Variants in UGT2A1 observed in about 807,000 individuals in gnomAD.
UGT2A1 encodes UDP glucuronosyltransferase family 2 member A1 complex locus, also known as UDP-glucuronosyltransferase 2A1.
UGT2A1 carries 61 observed loss-of-function variants against 45.4 expected under a neutral mutation model. The ratio of observed to expected loss-of-function variants is 1.34; its 90% CI spans 1.09 to 1.66. The LOEUF is 1.66. UGT2A1 is among the 40% of genes most tolerant of loss of function. The pLI is 0.00. For synonymous variants in UGT2A1, 229 were observed against 196.2 expected (o/e 1.17, Z -1.40); for missense variants, 649 against 574.3 (o/e 1.13, Z -1.33).
chr4:69,596,343 A>T, intron 4 of UGT2A1: 1 of 1,604,670 alleles, frequency 6.2e-7, no homozygotes, highest in African/African-American at 1.3e-5. Flanking sequence ...ACACCACAAC[A>T]CCATTTTTAC....
At chr4:69,633,083 A>G (rs1721475896) in intron 3 of UGT2A1, among the ~76,000 whole-genome samples, 1 of 152,144 alleles carries the variant, frequency 6.6e-6, no homozygotes, top group African/African-American at 2.4e-5. Flanking sequence ...ATGAAGAATG[A>G]GAAGTAAGAG....
chr4:69,633,110 C>T (rs1201145852), intron 3 of UGT2A1, among the ~76,000 whole-genome samples: 3 of 152,004 alleles, frequency 2.0e-5, no homozygotes, highest in African/African-American at 7.3e-5. Context: ...GTTACTCAGC[C>T]TAAGTATCTG....
rs994624184 is a variant in UGT2A1 at position 69,589,345 on chromosome 4, A to G, written c.*27T>C. On this transcript the variant is annotated 3_prime_UTR_variant, in exon 7 of 7. Transcript: ENST00000286604. Reference sequence around the variant, plus strand: ...ACTCAGGATTTTGCCAAACTTAAAAATATATATATTTCCTCTTTTTCTTGA... The same window carrying G: ...ACTCAGGATTTTGCCAAACTTAAAAGTATATATATTTCCTCTTTTTCTTGA... The G allele has an allele frequency of 2.5e-6, 4 of 1,573,964 alleles. No individual in the cohort carries two copies. In the African/African-American group the frequency reaches 4.1e-5, roughly 16 times the overall value.
chr4:69,609,338 C>T (rs6600791), intron 3 of UGT2A1, among the ~76,000 whole-genome samples: 121,213 of 151,760 alleles, frequency 0.8, 48,603 homozygotes, highest in African/African-American at 0.87. Flanking sequence ...TTCTTTTCTA[C>T]TATTTTTTAT....
intron 1 of UGT2A1, among the ~76,000 whole-genome samples, chr4:69,647,920 G>A (rs1426499952): frequency 6.6e-6 from 1 of 151,600 alleles, no homozygotes; most frequent in Non-Finnish European, 1.5e-5. Context: ...TTTTGAACTT[G>A]ATACTCCAAC....
intron 2 of UGT2A1, among the ~76,000 whole-genome samples, chr4:69,643,760 T>C (rs971797273): frequency 6.6e-6 from 1 of 151,696 alleles, no homozygotes; most frequent in African/African-American, 2.4e-5. Context: ...TTCTATTTAT[T>C]TACTCAGGTG....
At chr4:69,649,093 G>A (rs4148278) in intron 1 of UGT2A1, among the ~76,000 whole-genome samples, 24,274 of 152,026 alleles carry the variant, frequency 0.16, 2,461 homozygotes, top group Middle Eastern at 0.22. Context: ...CTGTGAATAA[G>A]CAGAGTGATC....
intron 3 of UGT2A1, among the ~76,000 whole-genome samples, chr4:69,633,467 T>C (rs1577994382): frequency 6.6e-6 from 1 of 152,138 alleles, no homozygotes; most frequent in African/African-American, 2.4e-5. Context: ...CAGTATGGCA[T>C]ACATGTATTC....
rs750324269 is a variant in UGT2A1 at position 69,589,372 on chromosome 4, C to T, written c.1584G>A (p.Ter528=). The T allele has an allele frequency of 6.2e-7, 1 of 1,608,034 alleles. No individual in the cohort carries two copies. Among genetic ancestry groups the T allele is most frequent in the Non-Finnish European group, 8.5e-7 (1 of 1,177,136 alleles). The part of the protein sequence containing the change: ...GKIGKKKKRE[*] ...ATATATATTTCCTCTTTTTCTTGAC[C>T]TATTCTCTTTTTTTCTTCTTTCCTA... The change falls in exon 7 of 7, where the codon TAG becomes TAA. Residue 528 remains the stop codon, a stop_retained_variant. Coordinates refer to ENST00000286604, the MANE Select transcript of UGT2A1 (RefSeq NM_001252275.3).
chr4:69,610,126 T>A (rs749510330), intron 3 of UGT2A1, among the ~76,000 whole-genome samples: 10 of 152,128 alleles, frequency 6.6e-5, no homozygotes, highest in Non-Finnish European at 1.3e-4. Context: ...ATTAGCAAAG[T>A]TGATATAGTT....
At chr4:69,652,766 G>A (rs1190148252) in intron 1 of UGT2A1, among the ~76,000 whole-genome samples, 2 of 151,984 alleles carry the variant, frequency 1.3e-5, no homozygotes, top group Non-Finnish European at 2.9e-5. Context: ...TTGTCTTAAG[G>A]ACCACAGTGG....
Position 69,589,441 on chromosome 4 carries a change from C to G in UGT2A1, c.1515G>C (p.Leu505Phe). 1 of 1,613,784 alleles carries G rather than the reference C, an allele frequency of 6.2e-7. No homozygotes were observed. The highest frequency in any genetic ancestry group is 2.2e-5 in the East Asian group (1 of 44,886). ...AGGAAAACAAACAACATTGTATGACCAAAAATATAGCCGTTGTCACACAGA... is the reference window on the plus strand; with the variant it reads ...AGGAAAACAAACAACATTGTATGACGAAAAATATAGCCGTTGTCACACAGA... ...LLVCVTTAIF[L>F]VIQCCLFSCQ... Residue 505 changes from leucine to phenylalanine, a missense_variant, in exon 7 of 7, where the codon TTG becomes TTC. By Grantham distance (22) the Leu-to-Phe change is conservative. Transcript: ENST00000286604.
intron 1 of UGT2A1, among the ~76,000 whole-genome samples, chr4:69,649,425 G>A (rs757198886): frequency 2.6e-5 from 4 of 152,214 alleles, no homozygotes; most frequent in South Asian, 2.1e-4. Context: ...AGGATGTCAT[G>A]ATTCACTGAT....
At chr4:69,652,330 C>A (rs1282676446) in intron 1 of UGT2A1, among the ~76,000 whole-genome samples, 1 of 131,688 alleles carries the variant, frequency 7.6e-6, no homozygotes, top group African/African-American at 2.9e-5. Flanking sequence ...GTTGTCCAAG[C>A]TGGAGTGCAA....
chr4:69,620,655 CA>C (rs57029226), intron 3 of UGT2A1, among the ~76,000 whole-genome samples: 39,715 of 130,518 alleles, frequency 0.3, 5,481 homozygotes, highest in South Asian at 0.35. Context: ...TATATGGAAC[CA>C]AAAAAAAAAA....
chr4:69,600,713 G>A (rs985529418), intron 3 of UGT2A1, among the ~76,000 whole-genome samples: 3 of 152,032 alleles, frequency 2.0e-5, no homozygotes, highest in Admixed American at 6.6e-5. Flanking sequence ...GCCTCAGGAA[G>A]CATCTAATCA....
intron 3 of UGT2A1, among the ~76,000 whole-genome samples, chr4:69,610,903 A>G (rs891227507): frequency 6.6e-6 from 1 of 152,160 alleles, no homozygotes; most frequent in Non-Finnish European, 1.5e-5. Context: ...AGGAAGTTAA[A>G]TTAGCTAATC....
In UGT2A1 at chr4:69,607,961, C is replaced by A. The variant is rs529169269; in HGVS notation, c.848-8567G>T. ...ATGTCGAGAAATAGGAACACTTTTA[C>A]ACTGTTGGTGGGACTGTAAACTAGT... On this transcript the variant is annotated intron_variant, in intron 3 of 6. Coordinates refer to ENST00000286604, the MANE Select transcript of UGT2A1 (RefSeq NM_001252275.3). Among the ~76,000 whole-genome samples the A allele has an allele frequency of 4.6e-5, 7 of 152,312 alleles. No individual in the cohort carries two copies. The East Asian group carries it at 1.4e-3, about 29-fold the overall frequency.
rs146739784 is a variant in UGT2A1, at chr4:69,609,099, G to T, written c.848-9705C>A. ...GATAATGAGAAAACCATCATAAACT[G>T]TAGGAAGATATCTGCAATATATAAA... On this transcript the variant is annotated intron_variant, in intron 3 of 6. Coordinates refer to ENST00000286604, the MANE Select transcript of UGT2A1 (RefSeq NM_001252275.3). Among the ~76,000 whole-genome samples, 659 of 151,348 alleles carry T rather than the reference G, an allele frequency of 4.4e-3. 7 individuals are homozygous for T. The highest frequency in any genetic ancestry group is 0.015 in the African/African-American group (605 of 41,286).
Sources: gnomAD v4.1 joint callset for allele counts (sites outside exome capture counted in the v4.1 genomes callset) on GRCh38, gnomAD v4.1.1 for gene constraint, MANE v1.5 for transcripts, NCBI Gene and HGNC (gene_info 2026-07-23, HGNC 2026-07-21) for gene names.